PTH2R: variants seen among roughly 807,000 people sequenced by gnomAD.
PTH2R encodes parathyroid hormone 2 receptor.
A neutral mutation model predicts 60.3 loss-of-function variants in PTH2R; 59 were observed. The ratio of observed to expected loss-of-function variants is 0.98; its 90% confidence interval spans 0.79 to 1.22. PTH2R has a LOEUF of 1.22. Ranked by LOEUF, PTH2R falls within the 50% of genes most tolerant of loss-of-function variation. PTH2R has a pLI of 0.00. For synonymous variants in PTH2R, 256 were observed against 243.8 expected, an observed-to-expected ratio of 1.05 and a Z score of -0.47; for missense variants, 749 against 682.6, an observed-to-expected ratio of 1.10 and a Z score of -1.08.
chr2:208,433,109 C>T (rs1275883768), intron 2 of PTH2R, among the ~76,000 whole-genome samples: 5 of 152,178 alleles, frequency 3.3e-5, no homozygotes, highest in Non-Finnish European at 7.3e-5. Flanking sequence ...ACCAGTCACA[C>T]ACCATATGAA....
chr2:208,486,178 CTG>C (rs1284400171), intron 10 of PTH2R, among the ~76,000 whole-genome samples: 1 of 152,172 alleles, frequency 6.6e-6, no homozygotes, highest in Non-Finnish European at 1.5e-5. Context: ...CCTATAGAAA[CTG>C]AGAGAGAACA....
chr2:208,435,250 A>G (rs867785089), intron 2 of PTH2R, among the ~76,000 whole-genome samples: 2 of 152,188 alleles, frequency 1.3e-5, no homozygotes, highest in Non-Finnish European at 2.9e-5. Context: ...CTGGTAACTA[A>G]AAAATTGAGA....
chr2:208,420,146 G>A (rs1158967042), intron 1 of PTH2R, among the ~76,000 whole-genome samples: 2 of 151,852 alleles, frequency 1.3e-5, no homozygotes, highest in Non-Finnish European at 2.9e-5. Context: ...GGGGTGGGGG[G>A]AGTGGGGAGG....
chr2:208,454,517 C>T (rs949439003), intron 8 of PTH2R, among the ~76,000 whole-genome samples: 5 of 152,144 alleles, frequency 3.3e-5, no homozygotes, highest in Admixed American at 1.3e-4. Context: ...TACTTACAAG[C>T]CAAGAAGAGA....
chr2:208,444,589 C>A, intron 6 of PTH2R, 145 bp from the exon 7 acceptor site: 1 of 546,372 alleles, frequency 1.8e-6, no homozygotes, highest in Non-Finnish European at 3.0e-6. Context: ...ACTGTTTTGG[C>A]CTCTCAACAG....
chr2:208,395,062 T>A lies in PTH2R; in HGVS notation c.-258-33139T>A, dbSNP rs55880051. Reference sequence around the variant, plus strand: ...GATTTCTTTTCTTTTTTATTTTTTTTTTTGAGATGGAGTCTTGCTCTGTTG... The same window carrying A: ...GATTTCTTTTCTTTTTTATTTTTTTATTTGAGATGGAGTCTTGCTCTGTTG... On this transcript the variant is annotated intron_variant, in intron 1 of 12. Coordinates refer to the PTH2R transcript ENST00000617735. Among the ~76,000 whole-genome samples the A allele has an allele frequency of 6.5e-3, 987 of 152,020 alleles. 8 individuals carry two copies. The highest frequency in any genetic ancestry group is 0.023 in the African/African-American group (933 of 41,450).
At chr2:208,397,574 GT>G (rs1028025493) in intron 1 of PTH2R, among the ~76,000 whole-genome samples, 13 of 152,166 alleles carry the variant, frequency 8.5e-5, no homozygotes, top group African/African-American at 3.1e-4. Flanking sequence ...AGAGATAGAG[GT>G]GGGGGGGCTC....
rs1420443892 is a variant in PTH2R, at chr2:208,493,574, A to ATATTCTAATGG, written c.1569_1579dup (p.Glu527ValfsTer3). 1.2e-6 allele frequency: 2 copies of ATATTCTAATGG among 1,613,018 alleles called. No homozygotes were observed. Among genetic ancestry groups the ATATTCTAATGG allele is most frequent in the Non-Finnish European group, 1.7e-6 (2 of 1,179,416 alleles). ...GAAGATAGTGGGAGGCAGGGAGATG[A>ATATTCTAATGG]TATTCTAATGGAGAAGCCTTCCAGG... is the stretch of plus-strand genomic sequence containing the variant. On this transcript the variant is annotated frameshift_variant, in exon 13 of 13. Transcript: ENST00000272847. LOFTEE classifies it low-confidence loss of function (END_TRUNC).
upstream of PTH2R, among the ~76,000 whole-genome samples, chr2:208,404,531 C>T (rs1368057931): frequency 6.6e-6 from 1 of 152,104 alleles, no homozygotes; most frequent in African/African-American, 2.4e-5. Context: ...AAATACCAAG[C>T]TTACTGTCAT....
intron 9 of PTH2R, among the ~76,000 whole-genome samples, chr2:208,465,535 T>C (rs543331078): frequency 6.6e-6 from 1 of 150,962 alleles, no homozygotes; most frequent in East Asian, 2.0e-4. Context: ...CCCGAGTAGC[T>C]GATATTACAG....
chr2:208,365,383 T>C (rs931878557), intron 1 of PTH2R, among the ~76,000 whole-genome samples: 1 of 152,152 alleles, frequency 6.6e-6, no homozygotes, highest in Non-Finnish European at 1.5e-5. Context: ...TTTTCTTTTT[T>C]TGTGTGTGAA....
intron 1 of PTH2R, among the ~76,000 whole-genome samples, chr2:208,422,382 A>C (rs1038658075): frequency 6.6e-6 from 1 of 152,080 alleles, no homozygotes; most frequent in African/African-American, 2.4e-5. Flanking sequence ...TAACCACCAC[A>C]CTTGCCTAGA....
intron 1 of PTH2R, among the ~76,000 whole-genome samples, chr2:208,396,373 C>T (rs1701207480): frequency 6.6e-6 from 1 of 152,098 alleles, no homozygotes; most frequent in Non-Finnish European, 1.5e-5. Flanking sequence ...AGTGAACAGG[C>T]AACCTACAGA....
intron 1 of PTH2R, among the ~76,000 whole-genome samples, chr2:208,389,385 T>G (rs1427968143): frequency 6.6e-6 from 1 of 152,228 alleles, no homozygotes; most frequent in Non-Finnish European, 1.5e-5. Flanking sequence ...ACAATTGTTA[T>G]GCTTAATTAA....
chr2:208,377,850 G>A (rs1233522183), intron 1 of PTH2R, among the ~76,000 whole-genome samples: 6 of 151,670 alleles, frequency 4.0e-5, no homozygotes, highest in Non-Finnish European at 8.8e-5. Flanking sequence ...CTTCCTAGAC[G>A]TGATGGTGGC....
chr2:208,489,317 C>T (rs530514875), intron 11 of PTH2R, among the ~76,000 whole-genome samples, 167 bp downstream of exon 11: 1 of 152,188 alleles, frequency 6.6e-6, no homozygotes, highest in Admixed American at 6.5e-5. Flanking sequence ...CTTTTCTGTC[C>T]TATAGAGGTC....
At chr2:208,464,666 G>C (rs972562893) in intron 9 of PTH2R, among the ~76,000 whole-genome samples, 1 of 152,112 alleles carries the variant, frequency 6.6e-6, no homozygotes, top group African/African-American at 2.4e-5. Flanking sequence ...ATTTTACTGG[G>C]CAGGCTAGGC....
intron 1 of PTH2R, among the ~76,000 whole-genome samples, chr2:208,409,725 T>C (rs904823973): frequency 5.3e-5 from 8 of 152,194 alleles, no homozygotes; most frequent in Non-Finnish European, 1.2e-4. Flanking sequence ...GGTAAAGATA[T>C]ACTTTTGTCT....
chr2:208,406,948 C>A lies in PTH2R; in HGVS notation c.-96C>A. ...CACCCCAGCTGCGCGTCGTTACTGG[C>A]CACAAGTTTGCTCTGGGCCAGCCAA... On this transcript the variant is annotated 5_prime_UTR_variant, in exon 1 of 13. Transcript: ENST00000272847. 9.1e-7 allele frequency: 1 copy of A among 1,095,562 alleles called. No individual in the cohort carries two copies. Among genetic ancestry groups the A allele is most frequent in the Non-Finnish European group, 1.2e-6 (1 of 817,090 alleles). 67.9% of individuals were successfully genotyped at this position (1,095,562 alleles called of 1,614,324 possible). A position where few individuals can be genotyped will look rare whatever the true frequency, so the allele number is the denominator to read the frequency against.
Sources: allele counts gnomAD v4.1 joint callset (sites outside exome capture counted in the v4.1 genomes callset), GRCh38; gene constraint gnomAD v4.1.1; transcripts MANE v1.5; gene names NCBI Gene and HGNC (gene_info 2026-07-23, HGNC 2026-07-21).